Variants in PHYHIP observed in about 807,000 individuals in gnomAD.
The protein encoded by PHYHIP is phytanoyl-CoA hydroxylase-interacting protein.
Under a neutral mutation model 26.1 loss-of-function variants are expected in PHYHIP, and 7 were observed. The ratio of observed to expected loss-of-function variants is 0.27; its 90% CI spans 0.15 to 0.50. The LOEUF is 0.50. Among genes scored for constraint, PHYHIP ranks in the 20% least tolerant of loss-of-function variants. The pLI is 0.98. For synonymous variants in PHYHIP, 206 were observed against 183.4 expected, an observed-to-expected ratio of 1.12 and a Z score of -1.00; for missense variants, 232 against 454.7, an observed-to-expected ratio of 0.51 and a Z score of 4.45.
rs138378273 is a variant in PHYHIP, at chr8:22,228,425, C to T, written c.-29-39G>A. The T allele has an allele frequency of 6.9e-4, 888 of 1,285,502 alleles. 8 individuals are homozygous for T. The African/African-American group carries it at 0.011, about 15-fold the overall frequency. 79.6% of individuals were successfully genotyped at this position (1,285,502 alleles called of 1,614,324 possible). A position where few individuals can be genotyped will look rare whatever the true frequency, so the allele number is the denominator to read the frequency against. On this transcript the variant is annotated intron_variant, in intron 1 of 4. Transcript: ENST00000454243. The stretch of plus-strand genomic sequence containing the variant: ...AAAGGGTCAGTACATCCCTTGACCC[C>T]GGCGAGCTTTCTGGAATGTCCTCCT...
At chr8:22,231,690 C>T (rs934796086) in intron 1 of PHYHIP, 106 bp downstream of exon 1, 1 of 152,360 alleles carries the variant, frequency 6.6e-6, no homozygotes, top group Non-Finnish European at 1.5e-5. Context: ...GTCGTCAGGC[C>T]TGGCAGTCCA....
rs560078690 is a variant in PHYHIP, at chr8:22,225,120, CA to C, written c.341-778del. Reference sequence around the variant, plus strand: ...AAATGCCCACTGCACATGGAGGTCTCAGGGGTAAACCAAGAAGCTTTCCCCA... The same window carrying C: ...AAATGCCCACTGCACATGGAGGTCTCGGGGTAAACCAAGAAGCTTTCCCCA... On this transcript the variant is annotated intron_variant, in intron 3 of 4. Transcript: ENST00000454243. 2.3e-3 allele frequency among the ~76,000 whole-genome samples: 348 copies of C among 152,252 alleles called. 5 individuals are homozygous for C. Among genetic ancestry groups the C allele is most frequent in the Middle Eastern group, 3.4e-3 (1 of 294 alleles).
chr8:22,224,881 C>G (rs1301809674), intron 3 of PHYHIP, among the ~76,000 whole-genome samples: 1 of 152,136 alleles, frequency 6.6e-6, no homozygotes, highest in Admixed American at 6.5e-5. Flanking sequence ...AGCAATGGCT[C>G]TCAGCTTGAG....
intron 1 of PHYHIP, among the ~76,000 whole-genome samples, chr8:22,230,698 C>T (rs955562485): frequency 2.6e-5 from 4 of 152,188 alleles, no homozygotes; most frequent in Non-Finnish European, 5.9e-5. Context: ...CGTCCCACAC[C>T]TCCGCAGATG....
chr8:22,222,817 C>T (rs531472504), intron 4 of PHYHIP, among the ~76,000 whole-genome samples: 5 of 152,262 alleles, frequency 3.3e-5, no homozygotes, highest in African/African-American at 7.2e-5. Context: ...CAGCTCACTG[C>T]AAGCTCGAAC....
chr8:22,226,835 G>A lies in PHYHIP; in HGVS notation c.340+16C>T, dbSNP rs1483309290. ...GTGCCAAGCAGCAGGACAGGGGTGT[G>A]ATAGCAGGGCCTCACCCCCAGTGCA... On this transcript the variant is annotated intron_variant, in intron 3 of 4. Transcript: ENST00000454243. 2 of 1,603,460 alleles carry A rather than the reference G, an allele frequency of 1.2e-6. No individual in the cohort carries two copies. The highest frequency in any genetic ancestry group is 2.7e-5 in the African/African-American group (2 of 74,764).
chr8:22,226,802 A>G (rs1563300733), intron 3 of PHYHIP, 49 bp downstream of exon 3: 1 of 1,546,828 alleles, frequency 6.5e-7, no homozygotes, highest in East Asian at 2.3e-5. Context: ...ACCACAGCAA[A>G]GCCCGACGTG....
Position 22,221,012 on chromosome 8 carries a change from A to G in PHYHIP, c.*341T>C, listed in dbSNP as rs761651524. The G allele has an allele frequency of 4.0e-6, 1 of 247,822 alleles. No homozygotes were observed. Among genetic ancestry groups the G allele is most frequent in the Non-Finnish European group, 7.8e-6 (1 of 127,698 alleles). The allele number at this position is 247,822 out of a possible 1,614,324, so 15.4% of individuals were successfully genotyped here. A position where few individuals can be genotyped will look rare whatever the true frequency, so the allele number is the denominator to read the frequency against. On this transcript the variant is annotated 3_prime_UTR_variant, in exon 5 of 5. Transcript: ENST00000454243. This position sits in a 1 kb window ranked among gnomAD's most constrained non-coding sequence, Gnocchi z 7.9. Reference sequence around the variant, plus strand: ...TGGCCCAGAGGGGCTTCCCTGGGAGAGCCCAGGAGGTGGGCAGGTCTTTGG... The same window carrying G: ...TGGCCCAGAGGGGCTTCCCTGGGAGGGCCCAGGAGGTGGGCAGGTCTTTGG...
Position 22,228,403 on chromosome 8 carries a change from G to T in PHYHIP, c.-29-17C>A. ...CTGTGGGGACTGAGGAGGAGGGAAA[G>T]GGTCAGTACATCCCTTGACCCCGGC... On this transcript the variant is annotated splice_polypyrimidine_tract_variant and intron_variant, in intron 1 of 4. Transcript: ENST00000454243. 1 of 1,475,396 alleles carries T rather than the reference G, an allele frequency of 6.8e-7. No individual in the cohort carries two copies. The highest frequency in any genetic ancestry group is 1.4e-5 in the African/African-American group (1 of 71,910). The allele number at this position is 1,475,396 out of a possible 1,614,324, so 91.4% of individuals were successfully genotyped here.
chr8:22,223,907 C>A, intron 4 of PHYHIP: 1 of 246,198 alleles, frequency 4.1e-6, no homozygotes, highest in South Asian at 7.9e-5. Flanking sequence ...GGGCCTGAAT[C>A]GGAGAGACCT....
rs1829698775 is a variant in PHYHIP, at chr8:22,224,357, G to C, written c.341-14C>G. The C allele has an allele frequency of 1.3e-6, 2 of 1,489,888 alleles. No individual in the cohort carries two copies. The highest frequency in any genetic ancestry group is 2.3e-5 in the South Asian group (2 of 88,774). The allele number at this position is 1,489,888 out of a possible 1,614,324, so 92.3% of individuals were successfully genotyped here. Reference sequence around the variant, plus strand: ...CCTTGGCATAATCTGCAAGATCCCAGATGCGGTAGGTGAGCCGAGGGCCAG... The same window carrying C: ...CCTTGGCATAATCTGCAAGATCCCACATGCGGTAGGTGAGCCGAGGGCCAG... On this transcript the variant is annotated splice_polypyrimidine_tract_variant and intron_variant, in intron 3 of 4. Coordinates refer to ENST00000454243, the MANE Select transcript of PHYHIP (RefSeq NM_014759.5).
At position 22,229,851 on chromosome 8, in the gene PHYHIP, A is replaced by G. The variant is rs189347467; in HGVS notation, c.-29-1465T>C. ...TTCCTGTCAATTAAGCTTGCTCCAG[A>G]GCCTGGCACCTCTGTATTAACCTGT... On this transcript the variant is annotated intron_variant, in intron 1 of 4. Transcript: ENST00000454243. Among the ~76,000 whole-genome samples, 4 of 152,196 alleles carry G rather than the reference A, an allele frequency of 2.6e-5. No homozygotes were observed. In the East Asian group the frequency reaches 5.8e-4, roughly 22 times the overall value.
chr8:22,227,855 G>A (rs1381753654), intron 2 of PHYHIP, among the ~76,000 whole-genome samples: 2 of 152,236 alleles, frequency 1.3e-5, no homozygotes, highest in African/African-American at 2.4e-5. Flanking sequence ...GAAGCCTGCG[G>A]CCCCACCCTA....
At chr8:22,230,532 C>G (rs189941551) in intron 1 of PHYHIP, among the ~76,000 whole-genome samples, 71 of 152,234 alleles carry the variant, frequency 4.7e-4, no homozygotes, top group African/African-American at 1.2e-3. Context: ...ACCCAGAAGA[C>G]TGGGGAAGGG....
intron 3 of PHYHIP, among the ~76,000 whole-genome samples, chr8:22,225,567 G>A (rs1370722299): frequency 6.6e-6 from 1 of 151,082 alleles, no homozygotes; most frequent in Non-Finnish European, 1.5e-5. Context: ...GGCCAAGGCA[G>A]GCAGATCACC....
intron 2 of PHYHIP, among the ~76,000 whole-genome samples, chr8:22,227,258 C>T (rs988898608): frequency 5.3e-5 from 8 of 152,186 alleles, no homozygotes; most frequent in East Asian, 1.9e-4. Flanking sequence ...CTCTTGGGAA[C>T]GGAGGGGAAA....
chr8:22,225,646 A>T (rs1288763311), intron 3 of PHYHIP, among the ~76,000 whole-genome samples: 4 of 150,348 alleles, frequency 2.7e-5, no homozygotes, highest in South Asian at 2.1e-4. Flanking sequence ...AATACAAAAA[A>T]AAAAAAAAAA....
intron 1 of PHYHIP, among the ~76,000 whole-genome samples, 158 bp downstream of exon 1, chr8:22,231,638 A>T (rs1185560399): frequency 7.3e-6 from 1 of 136,454 alleles, no homozygotes; most frequent in Non-Finnish European, 1.6e-5. Context: ...GCCATTAACC[A>T]CTTTGCCAAA....
Position 22,228,391 on chromosome 8 carries a change from G to C in PHYHIP, c.-29-5C>G. On this transcript the variant is annotated splice_polypyrimidine_tract_variant and splice_region_variant and intron_variant, in intron 1 of 4. Transcript: ENST00000454243. ...CAGGGTTGTCTCCTGTGGGGACTGA[G>C]GAGGAGGGAAAGGGTCAGTACATCC... 1 of 1,542,586 alleles carries C rather than the reference G, an allele frequency of 6.5e-7. No homozygotes were observed. Among genetic ancestry groups the C allele is most frequent in the Non-Finnish European group, 8.8e-7 (1 of 1,136,086 alleles).
Sources: gnomAD v4.1 joint callset for allele counts (sites outside exome capture counted in the v4.1 genomes callset) on GRCh38, gnomAD v4.1.1 for gene constraint, Gnocchi (gnomAD v3.1) non-coding constraint, MANE v1.5 for transcripts, NCBI Gene and HGNC (gene_info 2026-07-23, HGNC 2026-07-21) for gene names.